The following C2orf66 variants were observed in gnomAD, a reference collection of about 807,000 sequenced individuals.
C2orf66 encodes uncharacterized protein C2orf66.
Under a neutral mutation model 7.0 loss-of-function variants are expected in C2orf66, and 6 were observed. That is an observed-to-expected ratio of 0.86 (90% CI 0.47 to 1.69). The LOEUF (loss-of-function observed/expected upper bound fraction) is 1.69, where lower values mean the gene tolerates loss of function less well. Among genes scored for constraint, C2orf66 ranks in the 40% most tolerant of loss-of-function variants. The probability of loss-of-function intolerance (pLI) is 0.01; values close to 1 mark genes in which losing one functional copy is unlikely to be tolerated. For synonymous variants in C2orf66, 38 were observed against 43.8 expected, an observed-to-expected ratio of 0.87 and a Z score of 0.52; for missense variants, 107 against 112.0, an observed-to-expected ratio of 0.96 and a Z score of 0.20.
chr2:196,819,622 A>G, the C2orf66 span, among the ~76,000 whole-genome samples: 1 of 152,330 alleles, frequency 6.6e-6, no homozygotes, highest in Admixed American at 6.5e-5. Context: ...CTCATGGTTC[A>G]CAAGGTGCTC....
chr2:196,823,262 CT>C, the C2orf66 span, among the ~76,000 whole-genome samples: 4 of 152,170 alleles, frequency 2.6e-5, no homozygotes, highest in Middle Eastern at 3.4e-3. Flanking sequence ...AGACTTTAAA[CT>C]TGTGTAATTG....
chr2:196,806,027 C>G (rs140556839), intron 2 of C2orf66, among the ~76,000 whole-genome samples: 79 of 152,074 alleles, frequency 5.2e-4, no homozygotes, highest in Non-Finnish European at 7.2e-4. Context: ...TAATGAAAAC[C>G]CTTTCACAAA....
the C2orf66 span, among the ~76,000 whole-genome samples, chr2:196,826,091 A>C: frequency 2.6e-5 from 4 of 152,224 alleles, no homozygotes; most frequent in Non-Finnish European, 5.9e-5. Flanking sequence ...AAACCAACAA[A>C]AGAAAATAAT....
the C2orf66 span, among the ~76,000 whole-genome samples, chr2:196,828,777 G>A: frequency 2.6e-5 from 4 of 152,144 alleles, no homozygotes; most frequent in South Asian, 8.3e-4. Flanking sequence ...AGGCTATGTG[G>A]TAGGGCATGG....
At chr2:196,827,339 G>A in the C2orf66 span, among the ~76,000 whole-genome samples, 1 of 151,082 alleles carries the variant, frequency 6.6e-6, no homozygotes, top group African/African-American at 2.4e-5. Flanking sequence ...TACAGTAAAT[G>A]TTACACATTC....
rs563875941 is a variant in C2orf66, at chr2:196,808,518, TC to T, written c.123+695del. 4.6e-5 allele frequency among the ~76,000 whole-genome samples: 7 copies of T among 152,316 alleles called. No individual in the cohort carries two copies. In the South Asian group the frequency reaches 1.5e-3, roughly 32 times the overall value. On this transcript the variant is annotated intron_variant, in intron 1 of 2. Coordinates refer to ENST00000342506, the MANE Select transcript of C2orf66 (RefSeq NM_213608.3). The stretch of plus-strand genomic sequence containing the variant: ...GGTTTCACCCAGTGTTTTCACTTTA[TC>T]CTGTCTGGACCAGATCCTGTTTTCG...
chr2:196,807,300 C>T, intron 2 of C2orf66, 124 bp downstream of exon 2: 1 of 607,800 alleles, frequency 1.6e-6, no homozygotes, highest in Non-Finnish European at 2.8e-6. Context: ...TGAGTATAAG[C>T]AGAACTGAGC....
the C2orf66 span, among the ~76,000 whole-genome samples, chr2:196,817,426 A>G: frequency 6.6e-6 from 1 of 151,842 alleles, no homozygotes; most frequent in Admixed American, 6.6e-5. Flanking sequence ...TAGTAGAGAC[A>G]GGGTTTCACC....
At chr2:196,826,985 C>T in the C2orf66 span, among the ~76,000 whole-genome samples, 28 of 151,928 alleles carry the variant, frequency 1.8e-4, no homozygotes, top group Non-Finnish European at 3.4e-4. Context: ...GAGCAGAGAT[C>T]GCACCACTGC....
chr2:196,822,069 C>T, the C2orf66 span, among the ~76,000 whole-genome samples: 1 of 150,802 alleles, frequency 6.6e-6, no homozygotes, highest in Admixed American at 6.6e-5. Flanking sequence ...CATGTGCCAC[C>T]ATGCCCAGCT....
At chr2:196,812,399 CTT>C (rs1699885446), upstream of C2orf66, among the ~76,000 whole-genome samples, 1 of 152,182 alleles carries the variant, frequency 6.6e-6, no homozygotes, top group African/African-American at 2.4e-5. Flanking sequence ...ATGCTAAAAA[CTT>C]TCAATAAACC....
the C2orf66 span, among the ~76,000 whole-genome samples, chr2:196,820,240 C>CTTAT: frequency 5.9e-5 from 9 of 152,044 alleles, no homozygotes; most frequent in South Asian, 2.1e-4. Flanking sequence ...CAAAGCAGTT[C>CTTAT]TTATTTATTT....
intron 1 of C2orf66, among the ~76,000 whole-genome samples, chr2:196,807,986 T>G (rs1034047743): frequency 6.6e-6 from 1 of 152,216 alleles, no homozygotes; most frequent in Non-Finnish European, 1.5e-5. Context: ...ATATGAGATC[T>G]CTGTTGTTGC....
chr2:196,817,599 C>A, the C2orf66 span, among the ~76,000 whole-genome samples: 1 of 152,088 alleles, frequency 6.6e-6, no homozygotes, highest in Non-Finnish European at 1.5e-5. Context: ...GAGAACCGGT[C>A]TGACCTCAAA....
chr2:196,824,881 T>C, the C2orf66 span, among the ~76,000 whole-genome samples: 1 of 152,162 alleles, frequency 6.6e-6, no homozygotes, highest in African/African-American at 2.4e-5. Context: ...TAAGGAGTTA[T>C]ATCCAAAATA....
At chr2:196,816,977 A>C in the C2orf66 span, among the ~76,000 whole-genome samples, 1 of 152,168 alleles carries the variant, frequency 6.6e-6, no homozygotes, top group African/African-American at 2.4e-5. Context: ...CATGATGCCC[A>C]CCTGAGCCTT....
In C2orf66 at chr2:196,804,538, A is replaced by G. The variant is rs539383906; in HGVS notation, c.*890T>C. Among the ~76,000 whole-genome samples the G allele has an allele frequency of 4.6e-5, 7 of 152,380 alleles. No homozygotes were observed. In the South Asian group the frequency reaches 1.2e-3, roughly 27 times the overall value. ...GGACAATGTTGCATTTTAGTGCAAC[A>G]TTCCTTTTGCAGGAATCACAGAGAA... On this transcript the variant is annotated 3_prime_UTR_variant, in exon 3 of 3. Transcript: ENST00000342506.
chr2:196,807,400 C>T (rs1699829691), intron 2 of C2orf66, 24 bp downstream of exon 2: 1 of 1,404,346 alleles, frequency 7.1e-7, no homozygotes, highest in African/African-American at 1.4e-5. Context: ...TTGGACAGAT[C>T]CAGAATAAAG....
the C2orf66 span, among the ~76,000 whole-genome samples, chr2:196,828,226 T>TCACACACA: frequency 1.5e-5 from 2 of 132,668 alleles, no homozygotes; most frequent in African/African-American, 6.5e-5. Flanking sequence ...TCTCTCTCTC[T>TCACACACA]CTCTCACACA....
Sources: gnomAD v4.1 joint callset for allele counts (sites outside exome capture counted in the v4.1 genomes callset) on GRCh38, gnomAD v4.1.1 for gene constraint, MANE v1.5 for transcripts, NCBI Gene and HGNC (gene_info 2026-07-23, HGNC 2026-07-21) for gene names.